Variants in STRN observed in about 807,000 individuals in gnomAD.
STRN encodes the protein striatin.
Under a neutral mutation model 96.3 loss-of-function variants are expected in STRN, and 53 were observed. The ratio of observed to expected loss-of-function variants is 0.55; its 90% CI spans 0.44 to 0.69. The LOEUF (loss-of-function observed/expected upper bound fraction) is 0.69, where lower values mean the gene tolerates loss of function less well. Ranked by LOEUF, STRN falls within the 30% of genes least tolerant of loss-of-function variation. STRN has a pLI of 0.00. For synonymous variants in STRN, 428 were observed against 355.9 expected (o/e 1.20, Z -2.28); for missense variants, 987 against 963.9 (o/e 1.02, Z -0.32).
intron 5 of STRN, among the ~76,000 whole-genome samples, chr2:36,900,132 G>T (rs2691114): frequency 0.86 from 130,231 of 151,986 alleles, 57,615 homozygotes; most frequent in Non-Finnish European, 0.96. Flanking sequence ...CAAGTGATTC[G>T]CCCGCCTCAG....
chr2:36,945,179 AAAC>A (rs779095731), intron 1 of STRN, among the ~76,000 whole-genome samples: 24 of 152,312 alleles, frequency 1.6e-4, no homozygotes, highest in Non-Finnish European at 2.2e-4. Context: ...CGTGTAGGAA[AAAC>A]AACGATATTT....
At chr2:36,920,875 G>T (rs1235990399) in intron 2 of STRN, among the ~76,000 whole-genome samples, 1 of 151,846 alleles carries the variant, frequency 6.6e-6, no homozygotes, top group African/African-American at 2.4e-5. Flanking sequence ...AAGGGATCGA[G>T]ACCATCCTGG....
intron 1 of STRN, among the ~76,000 whole-genome samples, chr2:36,964,191 G>GGA (rs1665099336): frequency 7.3e-6 from 1 of 136,524 alleles, no homozygotes; most frequent in Non-Finnish European, 1.5e-5. Flanking sequence ...GGGGCGGGGG[G>GGA]AAGGATGGGT....
At chr2:36,919,654 T>C (rs553975325) in intron 2 of STRN, among the ~76,000 whole-genome samples, 1 of 152,338 alleles carries the variant, frequency 6.6e-6, no homozygotes, top group Non-Finnish European at 1.5e-5. Flanking sequence ...AGAATTATCA[T>C]ATTTGTGTTT....
intron 3 of STRN, 40 bp from the exon 4 acceptor site, chr2:36,905,658 C>A: frequency 6.5e-7 from 1 of 1,542,438 alleles, no homozygotes. Flanking sequence ...ACTTGTTTTA[C>A]GTATTAGAGG....
intron 10 of STRN, 134 bp from the exon 11 acceptor site, chr2:36,869,863 A>G (rs1025790617): frequency 9.8e-6 from 7 of 716,802 alleles, no homozygotes; most frequent in Non-Finnish European, 1.4e-5. Context: ...TATAATTTTT[A>G]TATGTAAATA....
intron 12 of STRN, among the ~76,000 whole-genome samples, chr2:36,862,487 T>A (rs1310848873): frequency 6.6e-6 from 1 of 152,206 alleles, no homozygotes; most frequent in Non-Finnish European, 1.5e-5. Context: ...TGATTTGCAT[T>A]TCTGTAATAA....
chr2:36,896,861 G>C lies in STRN; in HGVS notation c.795+2662C>G, dbSNP rs1237867356. ...CTTAACTGGTGATGACGAGAATACTGATAATGATGGCAAAGAAAAATAAGG... is the reference window on the plus strand; with the variant it reads ...CTTAACTGGTGATGACGAGAATACTCATAATGATGGCAAAGAAAAATAAGG... On this transcript the variant is annotated intron_variant, in intron 6 of 17. Coordinates refer to ENST00000263918, the MANE Select transcript of STRN (RefSeq NM_003162.4). Among the ~76,000 whole-genome samples, 3 of 152,112 alleles carry C rather than the reference G, an allele frequency of 2.0e-5. No homozygotes were observed. In the East Asian group the frequency reaches 5.8e-4, roughly 29 times the overall value.
intron 1 of STRN, among the ~76,000 whole-genome samples, chr2:36,961,052 G>A (rs1011804905): frequency 6.9e-6 from 1 of 145,324 alleles, no homozygotes; most frequent in Non-Finnish European, 1.5e-5. Flanking sequence ...GCATGCCAAC[G>A]CACCCAGCTA....
chr2:36,873,517 G>A (rs1668819441), intron 10 of STRN, among the ~76,000 whole-genome samples: 2 of 152,180 alleles, frequency 1.3e-5, no homozygotes, highest in South Asian at 2.1e-4. Flanking sequence ...TCAAGATTAT[G>A]CCATTGCACA....
chr2:36,898,618 G>A (rs1431117834), intron 6 of STRN, among the ~76,000 whole-genome samples: 1 of 152,166 alleles, frequency 6.6e-6, no homozygotes, highest in Non-Finnish European at 1.5e-5. Context: ...CCAAGGTTAA[G>A]ATGGCTATTT....
intron 4 of STRN, among the ~76,000 whole-genome samples, chr2:36,904,033 A>C (rs1483318600): frequency 6.6e-6 from 1 of 152,200 alleles, no homozygotes; most frequent in African/African-American, 2.4e-5. Flanking sequence ...TACTCAGAAG[A>C]GTTGATTATG....
chr2:36,954,804 A>C (rs1381295196), intron 1 of STRN, among the ~76,000 whole-genome samples: 1 of 151,764 alleles, frequency 6.6e-6, no homozygotes, highest in Non-Finnish European at 1.5e-5. Context: ...CGCCCAGCTA[A>C]TTTTTTGTAT....
intron 6 of STRN, among the ~76,000 whole-genome samples, chr2:36,898,161 TA>T (rs554443307): frequency 1.4e-4 from 22 of 152,218 alleles, no homozygotes; most frequent in Non-Finnish European, 2.6e-4. Flanking sequence ...AACAGAAACA[TA>T]GCATCATGAT....
chr2:36,844,219 G>A lies in STRN; in HGVS notation c.*5237C>T, dbSNP rs1668012860. 1 of 152,170 alleles carries A rather than the reference G, an allele frequency of 6.6e-6. No individual in the cohort carries two copies. The highest frequency in any genetic ancestry group is 1.5e-5 in the Non-Finnish European group (1 of 68,024). 9.4% of individuals were successfully genotyped at this position (152,170 alleles called of 1,614,324 possible). A position where few individuals can be genotyped will look rare whatever the true frequency, so the allele number is the denominator to read the frequency against. On this transcript the variant is annotated 3_prime_UTR_variant, in exon 18 of 18. Transcript: ENST00000263918. ...ATCTGGGCTGGAAAAAAAGTGTGTGGAGAAGGGGAGTTGTATTGTTTTCTC... is the reference window on the plus strand; with the variant it reads ...ATCTGGGCTGGAAAAAAAGTGTGTGAAGAAGGGGAGTTGTATTGTTTTCTC...
At chr2:36,858,365 C>A (rs1558624132) in intron 13 of STRN, among the ~76,000 whole-genome samples, 1 of 152,196 alleles carries the variant, frequency 6.6e-6, no homozygotes. Flanking sequence ...TTTGGAGAAA[C>A]CACAACTCAC....
At chr2:36,908,975 T>C (rs979141389) in intron 3 of STRN, among the ~76,000 whole-genome samples, 1 of 143,082 alleles carries the variant, frequency 7.0e-6, no homozygotes, top group Non-Finnish European at 1.5e-5. Flanking sequence ...AGCAAGCCTC[T>C]ATCCCCACCC....
intron 12 of STRN, among the ~76,000 whole-genome samples, chr2:36,865,845 C>A (rs1293111257): frequency 6.6e-6 from 1 of 152,088 alleles, no homozygotes; most frequent in East Asian, 1.9e-4. Context: ...CAGGTGTGAG[C>A]CACTGCACTG....
intron 1 of STRN, among the ~76,000 whole-genome samples, chr2:36,963,028 T>C (rs921391096): frequency 5.9e-5 from 9 of 152,016 alleles, no homozygotes; most frequent in African/African-American, 2.2e-4. Flanking sequence ...ATTCTTTTTT[T>C]CCCCCCATGA....
Sources: gnomAD v4.1 joint callset for allele counts (sites outside exome capture counted in the v4.1 genomes callset) on GRCh38, gnomAD v4.1.1 for gene constraint, MANE v1.5 for transcripts, NCBI Gene and HGNC (gene_info 2026-07-23, HGNC 2026-07-21) for gene names.